SYT1: variants seen among roughly 807,000 people sequenced by gnomAD.
SYT1 encodes the protein synaptotagmin 1.
SYT1 carries 8 observed loss-of-function variants against 44.8 expected under a neutral mutation model. That is an observed-to-expected ratio of 0.18 (90% CI 0.10 to 0.32). SYT1 has a LOEUF of 0.32. Among genes scored for constraint, SYT1 ranks in the 10% least tolerant of loss-of-function variants. The probability of loss-of-function intolerance (pLI) is 1.00; values close to 1 mark genes in which losing one functional copy is unlikely to be tolerated. For missense variants in SYT1, 286 were observed against 509.3 expected (o/e 0.56, Z 4.22); for synonymous variants, 154 against 188.8 (o/e 0.82, Z 1.51).
At chr12:78,938,361 G>A (rs1299609422) in intron 1 of SYT1, among the ~76,000 whole-genome samples, 1 of 152,174 alleles carries the variant, frequency 6.6e-6, no homozygotes. Flanking sequence ...GATAAAGCTA[G>A]TAGTGGAATA....
At position 79,161,175 on chromosome 12, in the gene SYT1, G is replaced by T. The variant is rs77851674; in HGVS notation, c.-17-56328G>T. ...GGATCACTTGAGCCCAGGAGGCAAA[G>T]GTTGTAGTGAGCCAAGATTGTGCCA... On this transcript the variant is annotated intron_variant, in intron 3 of 10. Transcript: ENST00000261205. 9.3e-3 allele frequency among the ~76,000 whole-genome samples: 1,421 copies of T among 152,276 alleles called. 15 individuals carry two copies. Among genetic ancestry groups the T allele is most frequent in the Middle Eastern group, 0.037 (11 of 294 alleles).
At chr12:79,145,789 G>T (rs866962287) in intron 3 of SYT1, among the ~76,000 whole-genome samples, 1 of 149,446 alleles carries the variant, frequency 6.7e-6, no homozygotes, top group African/African-American at 2.5e-5. Context: ...ACGGAGTCTC[G>T]CTCTGTCGCC....
intron 3 of SYT1, among the ~76,000 whole-genome samples, chr12:79,129,150 A>T (rs1199654198): frequency 1.3e-5 from 2 of 152,160 alleles, no homozygotes; most frequent in Non-Finnish European, 2.9e-5. Context: ...ATGCGTGGTT[A>T]ACCAAAGGAC....
intron 4 of SYT1, among the ~76,000 whole-genome samples, chr12:79,247,344 T>A (rs916508560): frequency 2.6e-5 from 4 of 152,176 alleles, no homozygotes; most frequent in African/African-American, 7.2e-5. Flanking sequence ...CTAATATGTA[T>A]AACTCATGAG....
At chr12:79,119,973 G>T (rs1363601706) in intron 3 of SYT1, among the ~76,000 whole-genome samples, 1 of 151,974 alleles carries the variant, frequency 6.6e-6, no homozygotes, top group East Asian at 1.9e-4. Flanking sequence ...GCCTCCTAAA[G>T]ACCTGCTGTG....
intron 3 of SYT1, among the ~76,000 whole-genome samples, chr12:79,155,677 A>G (rs1870549260): frequency 2.0e-5 from 3 of 152,190 alleles, no homozygotes; most frequent in African/African-American, 7.2e-5. Context: ...TGTTTCCATC[A>G]ATGCATTCTT....
chr12:79,337,886 A>G lies in SYT1; in HGVS notation c.811-15616A>G, dbSNP rs527300491. ...TTAACAGAAGATAATACTGGTTCCCATAATCCAAATCACTATGAGGCAGCT... is the reference window on the plus strand; with the variant it reads ...TTAACAGAAGATAATACTGGTTCCCGTAATCCAAATCACTATGAGGCAGCT... On this transcript the variant is annotated intron_variant, in intron 8 of 10. Coordinates refer to ENST00000261205, the MANE Select transcript of SYT1 (RefSeq NM_005639.3). Among the ~76,000 whole-genome samples, 6 of 152,360 alleles carry G rather than the reference A, an allele frequency of 3.9e-5. No homozygotes were observed. The East Asian group carries it at 1.2e-3, about 29-fold the overall frequency.
intron 1 of SYT1, chr12:78,960,480 CA>C (rs1302898143): frequency 6.6e-6 from 1 of 152,114 alleles, no homozygotes; most frequent in Non-Finnish European, 1.5e-5. Flanking sequence ...ACAGCAACAC[CA>C]ACAACAAAAC....
intron 1 of SYT1, among the ~76,000 whole-genome samples, chr12:78,882,243 C>T (rs1410263764): frequency 6.6e-6 from 1 of 151,644 alleles, no homozygotes; most frequent in African/African-American, 2.4e-5. Context: ...ATCCCCTAAT[C>T]TTTAAAGAAG....
At position 79,353,435 on chromosome 12, in the gene SYT1, A is replaced by G. The variant is rs895137367; in HGVS notation, c.811-67A>G. The G allele has an allele frequency of 9.3e-6, 11 of 1,177,956 alleles. No individual in the cohort carries two copies. The African/African-American group carries it at 1.5e-4, about 16-fold the overall frequency. 73.0% of individuals were successfully genotyped at this position (1,177,956 alleles called of 1,614,324 possible). A position where few individuals can be genotyped will look rare whatever the true frequency, so the allele number is the denominator to read the frequency against. ...ATCCTCCTCTTGAAGAATTTACAAT[A>G]TATATGTTAAAACTCTATTTACTTG... On this transcript the variant is annotated intron_variant, in intron 8 of 10. Transcript: ENST00000261205.
intron 8 of SYT1, among the ~76,000 whole-genome samples, chr12:79,347,228 T>C (rs2135990253): frequency 6.6e-6 from 1 of 152,244 alleles, no homozygotes; most frequent in Non-Finnish European, 1.5e-5. Context: ...ACCATCTTCA[T>C]GACCAATGCA....
At chr12:78,878,906 G>A (rs1305140162) in intron 1 of SYT1, among the ~76,000 whole-genome samples, 3 of 151,662 alleles carry the variant, frequency 2.0e-5, no homozygotes, top group Non-Finnish European at 3.0e-5. Context: ...TTATAAGACT[G>A]TCATCTCAAT....
intron 9 of SYT1, among the ~76,000 whole-genome samples, chr12:79,429,310 G>A (rs900487265): frequency 2.0e-5 from 3 of 151,796 alleles, no homozygotes; most frequent in Admixed American, 6.6e-5. Context: ...AGGTTCAAGC[G>A]ATTCTCCTGC....
At chr12:79,394,203 C>G (rs1366320897) in intron 9 of SYT1, among the ~76,000 whole-genome samples, 1 of 152,138 alleles carries the variant, frequency 6.6e-6, no homozygotes, top group South Asian at 2.1e-4. Context: ...CCAGATAGCT[C>G]GGTGATAGCA....
chr12:79,301,234 T>A (rs1245905101), intron 8 of SYT1, among the ~76,000 whole-genome samples: 1 of 152,108 alleles, frequency 6.6e-6, no homozygotes, highest in Non-Finnish European at 1.5e-5. Flanking sequence ...AATGCCCACT[T>A]GTGCAGGGTG....
intron 1 of SYT1, among the ~76,000 whole-genome samples, chr12:78,889,111 A>C (rs926930403): frequency 5.9e-5 from 9 of 151,760 alleles, no homozygotes; most frequent in African/African-American, 2.2e-4. Context: ...AGAACCTTAT[A>C]GTTAATGCAT....
intron 8 of SYT1, among the ~76,000 whole-genome samples, chr12:79,349,058 G>GAGAAAGAAAAAGAAAGAAAGAA (rs1882768680): frequency 7.9e-6 from 1 of 126,946 alleles, no homozygotes; most frequent in African/African-American, 3.2e-5. Flanking sequence ...AGAAAGAAAG[G>GAGAAAGAAAAAGAAAGAAAGAA]AGGGAGGGAG....
At chr12:79,433,568 A>G (rs1017334762) in intron 9 of SYT1, among the ~76,000 whole-genome samples, 7 of 152,332 alleles carry the variant, frequency 4.6e-5, no homozygotes, top group Middle Eastern at 3.4e-3. Context: ...AAAAAAATCA[A>G]GTCAAATTTA....
In SYT1 at chr12:79,096,828, G is replaced by A. The variant is rs556498499; in HGVS notation, c.-18+49466G>A. 2.6e-5 allele frequency among the ~76,000 whole-genome samples: 4 copies of A among 152,090 alleles called. No individual in the cohort carries two copies. The South Asian group carries it at 8.3e-4, about 32-fold the overall frequency. On this transcript the variant is annotated intron_variant, in intron 3 of 10. Coordinates refer to ENST00000261205, the MANE Select transcript of SYT1 (RefSeq NM_005639.3). ...CGAATTAAATTTAGTACCCAGTTGA[G>A]ATAAAAGTCCATTGCCATATTCACA... is the stretch of plus-strand genomic sequence containing the variant.
Sources: gnomAD v4.1 joint callset for allele counts (sites outside exome capture counted in the v4.1 genomes callset) on GRCh38, gnomAD v4.1.1 for gene constraint, MANE v1.5 for transcripts, NCBI Gene and HGNC (gene_info 2026-07-23, HGNC 2026-07-21) for gene names.